RIMS2: variants seen among roughly 807,000 people sequenced by gnomAD.
The protein encoded by RIMS2 is regulating synaptic membrane exocytosis protein 2.
A neutral mutation model predicts 174.4 loss-of-function variants in RIMS2; 59 were observed. That is an observed-to-expected ratio of 0.34 (90% confidence interval 0.27 to 0.42). The LOEUF (loss-of-function observed/expected upper bound fraction) is 0.42. Ranked by LOEUF, RIMS2 falls within the 10% of genes least tolerant of loss-of-function variation. The pLI is 1.00. For missense variants in RIMS2, 1,620 were observed against 1,666.3 expected (o/e 0.97, Z 0.48); for synonymous variants, 606 against 572.5 (o/e 1.06, Z -0.84).
intron 2 of RIMS2, among the ~76,000 whole-genome samples, chr8:103,744,745 C>T (rs2097792101): frequency 2.0e-5 from 3 of 152,194 alleles, no homozygotes; most frequent in African/African-American, 7.2e-5. Context: ...ATAAATACCC[C>T]AGACCCCTTG....
In RIMS2 at chr8:103,586,651, A is replaced by C. The variant is rs368279389; in HGVS notation, c.176+85589A>C. On this transcript the variant is annotated intron_variant, in intron 1 of 23. Transcript: ENST00000504942. ...TAGATCAAAAAATAGGAAGAACTTCAAATGAAAAATATAATAATGCATCTT... is the reference window on the plus strand; with the variant it reads ...TAGATCAAAAAATAGGAAGAACTTCCAATGAAAAATATAATAATGCATCTT... Among the ~76,000 whole-genome samples the C allele has an allele frequency of 4.2e-3, 640 of 152,240 alleles. 3 individuals carry two copies. Among genetic ancestry groups the C allele is most frequent in the African/African-American group, 0.015 (610 of 41,582 alleles).
intron 4 of RIMS2, among the ~76,000 whole-genome samples, chr8:103,904,214 T>G (rs2073876323): frequency 6.6e-6 from 1 of 152,064 alleles, no homozygotes. Flanking sequence ...ACATTTTGAG[T>G]TTTTTTCCAA....
chr8:104,051,247 T>C (rs1274184750), intron 19 of RIMS2, among the ~76,000 whole-genome samples: 3 of 151,630 alleles, frequency 2.0e-5, no homozygotes, highest in East Asian at 1.9e-4. Context: ...TCAAAACAAG[T>C]GTGTGTGTAT....
chr8:103,606,554 C>G (rs2095097148), intron 1 of RIMS2, among the ~76,000 whole-genome samples: 1 of 152,042 alleles, frequency 6.6e-6, no homozygotes, highest in Admixed American at 6.6e-5. Context: ...CCTGGGTATC[C>G]CTGTTGACTT....
At chr8:103,904,109 A>G (rs947919275) in intron 4 of RIMS2, among the ~76,000 whole-genome samples, 1 of 152,054 alleles carries the variant, frequency 6.6e-6, no homozygotes, top group Non-Finnish European at 1.5e-5. Context: ...CTCCTTCTCC[A>G]CCATCCCTGA....
chr8:104,223,387 G>C, intron 19 of RIMS2: 1 of 1,243,998 alleles, frequency 8.0e-7, no homozygotes, highest in Non-Finnish European at 1.0e-6. Flanking sequence ...GCGAGACCTC[G>C]GACGTTCACT....
intron 19 of RIMS2, chr8:104,148,846 C>T (rs374240612): frequency 1.2e-5 from 19 of 1,596,126 alleles, no homozygotes; most frequent in East Asian, 8.9e-5. Flanking sequence ...CTCAGCCAAA[C>T]GGGTAGGAAT....
intron 3 of RIMS2, among the ~76,000 whole-genome samples, chr8:103,883,116 G>A (rs962167230): frequency 6.6e-6 from 1 of 151,686 alleles, no homozygotes; most frequent in African/African-American, 2.4e-5. Context: ...CAAGGAAGGT[G>A]TCTTAATCAT....
At chr8:104,117,027 G>A (rs2098288677) in intron 19 of RIMS2, among the ~76,000 whole-genome samples, 1 of 151,354 alleles carries the variant, frequency 6.6e-6, no homozygotes, top group Non-Finnish European at 1.5e-5. Flanking sequence ...AAATTTATTT[G>A]TATAAGATTA....
intron 3 of RIMS2, among the ~76,000 whole-genome samples, chr8:103,804,265 G>C (rs1363935754): frequency 2.0e-5 from 3 of 152,116 alleles, no homozygotes; most frequent in Non-Finnish European, 4.4e-5. Context: ...ACACCCAAGA[G>C]AGAATGAGAA....
chr8:104,104,882 G>GAA (rs199647482), intron 19 of RIMS2, among the ~76,000 whole-genome samples: 24,083 of 116,234 alleles, frequency 0.21, 2,112 homozygotes, highest in South Asian at 0.34. Flanking sequence ...CCTGTCTCAA[G>GAA]AAAAAAAAAA....
chr8:103,843,675 T>A (rs745898156), intron 3 of RIMS2, among the ~76,000 whole-genome samples: 3 of 152,208 alleles, frequency 2.0e-5, no homozygotes, highest in Non-Finnish European at 4.4e-5. Context: ...ATTTCCCATC[T>A]ATAATACTTT....
chr8:103,812,574 G>A (rs191047963), intron 3 of RIMS2, among the ~76,000 whole-genome samples: 5 of 152,188 alleles, frequency 3.3e-5, no homozygotes, highest in Admixed American at 1.3e-4. Flanking sequence ...TAGAGGCGAG[G>A]TTTCATCATG....
chr8:103,705,542 G>A (rs1340714821), intron 2 of RIMS2, among the ~76,000 whole-genome samples: 2 of 151,986 alleles, frequency 1.3e-5, no homozygotes, highest in Admixed American at 6.6e-5. Context: ...TACTAAGAGC[G>A]GGGTGTTGAT....
chr8:103,545,027 G>A (rs1844356409), intron 1 of RIMS2, among the ~76,000 whole-genome samples: 1 of 152,196 alleles, frequency 6.6e-6, no homozygotes, highest in Non-Finnish European at 1.5e-5. Context: ...CCCAGCAATG[G>A]TTCTTAACCA....
At chr8:104,251,939 A>G (rs767042369), downstream of RIMS2, 1 of 664,056 alleles carries the variant, frequency 1.5e-6, no homozygotes, top group Non-Finnish European at 2.6e-6. Flanking sequence ...GCCTGTTTCT[A>G]GGGATACAAA....
At chr8:103,857,286 T>C (rs1564943072) in intron 3 of RIMS2, among the ~76,000 whole-genome samples, 1 of 152,236 alleles carries the variant, frequency 6.6e-6, no homozygotes, top group Non-Finnish European at 1.5e-5. Flanking sequence ...TATTGAGCTA[T>C]TTGCTTATTT....
rs1188618939 is a variant in RIMS2 at position 104,138,345 on chromosome 8, C to T, written c.3335-106571C>T. On this transcript the variant is annotated intron_variant, in intron 19 of 23. Coordinates refer to ENST00000504942, the Ensembl canonical transcript of RIMS2. ...GTTCTGTTTTTAGTTTCTTGAGGAA[C>T]CTCCAAACTTGTCTTCATAGTAGTT... Among the ~76,000 whole-genome samples the T allele has an allele frequency of 5.9e-5, 9 of 152,214 alleles. No homozygotes were observed. The East Asian group carries it at 1.7e-3, about 29-fold the overall frequency.
At chr8:103,671,830 A>G (rs1590057946) in intron 1 of RIMS2, among the ~76,000 whole-genome samples, 2 of 152,322 alleles carry the variant, frequency 1.3e-5, no homozygotes, top group Middle Eastern at 3.4e-3. Context: ...TTAATAACGT[A>G]TTCATGAAAA....
Sources: allele counts gnomAD v4.1 joint callset (sites outside exome capture counted in the v4.1 genomes callset), GRCh38; gene constraint gnomAD v4.1.1; transcripts MANE v1.5; gene names NCBI Gene and HGNC (gene_info 2026-07-23, HGNC 2026-07-21).